Variants in DAGLB observed in about 807,000 individuals in gnomAD.
DAGLB encodes the protein diacylglycerol lipase-beta.
In DAGLB, 66 loss-of-function variants were observed where a neutral mutation model predicts 72.1. The ratio of observed to expected loss-of-function variants is 0.92; its 90% CI spans 0.75 to 1.12. The LOEUF is 1.12. Ranked by LOEUF, DAGLB falls within the 50% of genes most tolerant of loss-of-function variation. The pLI, the probability that DAGLB is intolerant of heterozygous loss-of-function variation, is 0.00. For synonymous variants in DAGLB, 414 were observed against 359.5 expected, an observed-to-expected ratio of 1.15 and a Z score of -1.71; for missense variants, 1,065 against 884.9, an observed-to-expected ratio of 1.20 and a Z score of -2.58.
At position 6,416,872 on chromosome 7, in the gene DAGLB, C is replaced by T. The variant is rs746072716; in HGVS notation, c.1268G>A (p.Gly423Glu). ...RYVYQRLINDGILSQAFSIAP... is the reference protein window; with the variant it reads ...RYVYQRLINDEILSQAFSIAP... ...AATGCTGAAGGCTTGGCTCAAAATC[C>T]CGTCGTTGATGAGTCGTTGGTAAAC... The change falls in exon 10 of 15, where the codon GGG (glycine) becomes GAG (glutamate). Residue 423 changes from glycine (G) to glutamate (E), a missense_variant. By Grantham distance (98) the Gly-to-Glu change is moderately conservative. Transcript: ENST00000297056. The T allele has an allele frequency of 1.2e-6, 2 of 1,614,088 alleles. No individual in the cohort carries two copies. Among genetic ancestry groups the T allele is most frequent in the South Asian group, 1.1e-5 (1 of 91,084 alleles).
chr7:6,425,926 A>C (rs1345677759), intron 7 of DAGLB, 62 bp downstream of exon 7: 65 of 1,598,184 alleles, frequency 4.1e-5, no homozygotes, highest in Non-Finnish European at 5.5e-5. Context: ...AACTTCCATC[A>C]GAATCTCTAA....
In DAGLB at chr7:6,422,566, G is replaced by A. The variant is rs148212617; in HGVS notation, c.1141-762C>T. On this transcript the variant is annotated intron_variant, in intron 8 of 14. Coordinates refer to ENST00000297056, the MANE Select transcript of DAGLB (RefSeq NM_139179.4). ...ACAGTGGGCCCAAGCATAGAAAAGC[G>A]CAAAAACACATCCTCTGCAGCAACG... The A allele has an allele frequency of 7.8e-3, 1,202 of 153,810 alleles. 15 individuals are homozygous for A. Among genetic ancestry groups the A allele is most frequent in the African/African-American group, 0.028 (1,145 of 41,550 alleles). The allele number at this position is 153,810 out of a possible 1,614,324, so 9.5% of individuals were successfully genotyped here. A position where few individuals can be genotyped will look rare whatever the true frequency, so the allele number is the denominator to read the frequency against.
At chr7:6,413,110 T>A in intron 11 of DAGLB, 76 bp from the exon 12 acceptor site, 1 of 1,489,546 alleles carries the variant, frequency 6.7e-7, no homozygotes, top group Non-Finnish European at 9.2e-7. Flanking sequence ...AAGAAATCAG[T>A]AACACTGAGG....
chr7:6,418,287 T>G (rs1470795347), intron 9 of DAGLB, among the ~76,000 whole-genome samples: 1 of 152,128 alleles, frequency 6.6e-6, no homozygotes, highest in African/African-American at 2.4e-5. Context: ...GAGGATCACT[T>G]GAGCCCAGGA....
intron 5 of DAGLB, 152 bp from the exon 6 acceptor site, chr7:6,430,759 T>C (rs1784460828): frequency 2.3e-6 from 2 of 852,408 alleles, no homozygotes; most frequent in African/African-American, 1.7e-5. Flanking sequence ...AACTGCTCCT[T>C]CAATAAGGAT....
chr7:6,430,370 G>A (rs952337277), intron 6 of DAGLB, 110 bp downstream of exon 6: 3 of 1,256,768 alleles, frequency 2.4e-6, no homozygotes, highest in Non-Finnish European at 2.0e-6. Context: ...TCTAGGTAAA[G>A]GATTCATGGG....
At position 6,430,471 on chromosome 7, in the gene DAGLB, C is replaced by A. The variant is rs1784450941; in HGVS notation, c.929+9G>T. ...TATGGCTATGGAGGCTCAGACTGTG[C>A]CAACCCACCAGTCACCACCAATCCT... On this transcript the variant is annotated intron_variant, in intron 6 of 14. Transcript: ENST00000297056. 6.6e-7 allele frequency: 1 copy of A among 1,519,600 alleles called. No homozygotes were observed. Among genetic ancestry groups the A allele is most frequent in the Non-Finnish European group, 8.9e-7 (1 of 1,126,434 alleles). 94.1% of individuals were successfully genotyped at this position (1,519,600 alleles called of 1,614,324 possible).
chr7:6,411,775 T>G (rs144829603), intron 13 of DAGLB, among the ~76,000 whole-genome samples: 77 of 152,326 alleles, frequency 5.1e-4, no homozygotes, highest in African/African-American at 1.5e-3. Flanking sequence ...AAACCACCCT[T>G]GGCATACGTA....
At chr7:6,412,152 G>C (rs555101552) in intron 13 of DAGLB, among the ~76,000 whole-genome samples, 223 of 152,296 alleles carry the variant, frequency 1.5e-3, no homozygotes, top group Non-Finnish European at 2.5e-3. Context: ...TGACTCAGGT[G>C]ATCTGCCTGC....
chr7:6,429,088 GC>G (rs1427917253), intron 6 of DAGLB, among the ~76,000 whole-genome samples: 2 of 152,114 alleles, frequency 1.3e-5, no homozygotes, highest in African/African-American at 4.8e-5. Context: ...ACAGGTCTGA[GC>G]CACCACGCCC....
intron 13 of DAGLB, among the ~76,000 whole-genome samples, chr7:6,411,999 C>T (rs892860679): frequency 6.6e-6 from 1 of 151,422 alleles, no homozygotes; most frequent in African/African-American, 2.4e-5. Flanking sequence ...TATGCAACCT[C>T]GGCCTCCTGG....
chr7:6,415,490 A>AT (rs1783877247), intron 11 of DAGLB, among the ~76,000 whole-genome samples: 1 of 151,698 alleles, frequency 6.6e-6, no homozygotes, highest in Non-Finnish European at 1.5e-5. Context: ...TTCCTTTATA[A>AT]TCATGGCAAA....
rs1179363071 is a variant in DAGLB at position 6,446,053 on chromosome 7, A to G, written c.147T>C (p.Cys49=). 2 of 1,613,568 alleles carry G rather than the reference A, an allele frequency of 1.2e-6. No homozygotes were observed. The highest frequency in any genetic ancestry group is 1.7e-6 in the Non-Finnish European group (2 of 1,179,884). ...LYLMHRGKLD[C]AGGALLSSYL... ...AACTGCTGAGCAAGGCTCCACCAGC[A>G]CAGTCCAGCTTTCCTCTGTGCATGA... is the stretch of plus-strand genomic sequence containing the variant. Residue 49 remains cysteine (C), a synonymous_variant, in exon 2 of 15, where the codon TGT becomes TGC. Coordinates refer to ENST00000297056, the MANE Select transcript of DAGLB (RefSeq NM_139179.4).
At chr7:6,431,753 C>T (rs1160722785) in intron 5 of DAGLB, among the ~76,000 whole-genome samples, 2 of 152,114 alleles carry the variant, frequency 1.3e-5, no homozygotes, top group Non-Finnish European at 2.9e-5. Flanking sequence ...GCCTGGGTGA[C>T]AGAGACTCTG....
In DAGLB at chr7:6,445,086, T is replaced by A. The variant is rs553863299; in HGVS notation, c.247+867A>T. Among the ~76,000 whole-genome samples, 5 of 152,206 alleles carry A rather than the reference T, an allele frequency of 3.3e-5. No individual in the cohort carries two copies. In the East Asian group the frequency reaches 9.7e-4, roughly 29 times the overall value. Reference sequence around the variant, plus strand: ...AAAAGTCTGGCAGTTCCTCAAAAGGTTTCACAGAGCATTAACACATGATCC... The same window carrying A: ...AAAAGTCTGGCAGTTCCTCAAAAGGATTCACAGAGCATTAACACATGATCC... On this transcript the variant is annotated intron_variant, in intron 2 of 14. Transcript: ENST00000297056.
intron 13 of DAGLB, 95 bp from the exon 14 acceptor site, chr7:6,410,475 C>T: frequency 6.7e-7 from 1 of 1,496,604 alleles, no homozygotes. Context: ...CAGGAATCTG[C>T]CCTTTGACCC....
intron 5 of DAGLB, 134 bp downstream of exon 5, chr7:6,432,703 G>C: frequency 9.2e-7 from 1 of 1,085,676 alleles, no homozygotes; most frequent in East Asian, 3.2e-5. Context: ...GGAAGGGGAG[G>C]AGGGGGAGGG....
rs140957721 is a variant in DAGLB at position 6,410,329 on chromosome 7, T to C, written c.1621A>G (p.Asn541Asp). ...LWYELFGGNP[N>D]NLPTELDGGD... is the part of the protein sequence containing the mutation. Reference sequence around the variant, plus strand: ...CCGTCCAGCTCCGTGGGCAAGTTGTTGGGGTTTCCTCCAAACAGTTCGTAC... The same window carrying C: ...CCGTCCAGCTCCGTGGGCAAGTTGTCGGGGTTTCCTCCAAACAGTTCGTAC... The change falls in exon 14 of 15, where the codon AAC becomes GAC. Residue 541 changes from asparagine to aspartate, a missense_variant. Transcript: ENST00000297056. 1.3e-4 allele frequency: 204 copies of C among 1,613,966 alleles called. No individual in the cohort carries two copies. The highest frequency in any genetic ancestry group is 1.6e-4 in the Non-Finnish European group (186 of 1,180,016).
chr7:6,433,721 T>G (rs960917530), intron 4 of DAGLB, among the ~76,000 whole-genome samples: 1 of 151,920 alleles, frequency 6.6e-6, no homozygotes, highest in Non-Finnish European at 1.5e-5. Context: ...GTGCCTGTCA[T>G]CCCAGCTATT....
Sources: allele counts gnomAD v4.1 joint callset (sites outside exome capture counted in the v4.1 genomes callset), GRCh38; gene constraint gnomAD v4.1.1; transcripts MANE v1.5; gene names NCBI Gene and HGNC (gene_info 2026-07-23, HGNC 2026-07-21).